Variants in HTRA1 observed in about 807,000 individuals in gnomAD.
HTRA1 encodes the protein HtrA serine peptidase 1, also known as serine protease HTRA1.
HTRA1 carries 26 observed loss-of-function variants against 49.7 expected under a neutral mutation model. That is an observed-to-expected ratio of 0.52 (90% CI 0.38 to 0.73). The LOEUF (loss-of-function observed/expected upper bound fraction) is 0.73. Among genes scored for constraint, HTRA1 ranks in the 30% least tolerant of loss-of-function variants. The pLI is 0.00. For synonymous variants in HTRA1, 291 were observed against 286.9 expected (o/e 1.01, Z -0.14); for missense variants, 561 against 667.2 (o/e 0.84, Z 1.75).
At chr10:122,477,527 C>T (rs922330633) in intron 1 of HTRA1, among the ~76,000 whole-genome samples, 2 of 152,142 alleles carry the variant, frequency 1.3e-5, no homozygotes, top group African/African-American at 4.8e-5. Context: ...GGAGTGTGTC[C>T]CAGACTTCAC....
chr10:122,499,994 G>A (rs4752702), intron 3 of HTRA1, among the ~76,000 whole-genome samples: 7,167 of 152,288 alleles, frequency 0.047, 231 homozygotes, highest in Non-Finnish European at 0.065. Flanking sequence ...AGAGAAAGAA[G>A]TAATTGACTT....
intron 3 of HTRA1, among the ~76,000 whole-genome samples, chr10:122,498,131 G>A (rs760983296): frequency 4.0e-5 from 6 of 151,622 alleles, no homozygotes; most frequent in Non-Finnish European, 7.4e-5. Context: ...TTTTTCATTT[G>A]TGTGCTCTCT....
Position 122,461,556 on chromosome 10 carries a change from C to A in HTRA1, c.-97C>A. On this transcript the variant is annotated 5_prime_UTR_variant, in exon 1 of 9. Coordinates refer to ENST00000368984, the MANE Select transcript of HTRA1 (RefSeq NM_002775.5). Reference sequence around the variant, plus strand: ...GCTGGGCCGCGCGGCCGCGCGCACTCGCACCCGCTGCCCCCGAGGCCCTCC... The same window carrying A: ...GCTGGGCCGCGCGGCCGCGCGCACTAGCACCCGCTGCCCCCGAGGCCCTCC... The A allele has an allele frequency of 4.5e-6, 3 of 674,034 alleles. No individual in the cohort carries two copies. The highest frequency in any genetic ancestry group is 3.7e-5 in the Admixed American group (1 of 26,998). The allele number at this position is 674,034 out of a possible 1,614,324, so 41.8% of individuals were successfully genotyped here. A position where few individuals can be genotyped will look rare whatever the true frequency, so the allele number is the denominator to read the frequency against.
Position 122,476,819 on chromosome 10 carries a change from G to A in HTRA1, c.473-12083G>A, listed in dbSNP as rs371945726. On this transcript the variant is annotated intron_variant, in intron 1 of 8. Transcript: ENST00000368984. ...CGCTCTCCCCCGCCTCTCTGTGAAGGTGCTGAGCTGTGAGTGGAACCAAGT... is the reference window on the plus strand; with the variant it reads ...CGCTCTCCCCCGCCTCTCTGTGAAGATGCTGAGCTGTGAGTGGAACCAAGT... 3.0e-3 allele frequency among the ~76,000 whole-genome samples: 459 copies of A among 152,246 alleles called. 4 individuals are homozygous for A. Among genetic ancestry groups the A allele is most frequent in the African/African-American group, 0.01 (432 of 41,540 alleles).
At chr10:122,507,545 T>A in intron 5 of HTRA1, 143 bp downstream of exon 5, 1 of 716,874 alleles carries the variant, frequency 1.4e-6, no homozygotes, top group Non-Finnish European at 2.5e-6. Flanking sequence ...ATAAATTCCT[T>A]TAAAATGGCT....
chr10:122,470,588 C>T (rs2097485697), intron 1 of HTRA1, among the ~76,000 whole-genome samples: 1 of 151,916 alleles, frequency 6.6e-6, no homozygotes, highest in Non-Finnish European at 1.5e-5. Flanking sequence ...CATTGAAGTC[C>T]AGTGATATAA....
intron 1 of HTRA1, among the ~76,000 whole-genome samples, chr10:122,476,030 T>G (rs552726915): frequency 6.6e-6 from 1 of 152,298 alleles, no homozygotes; most frequent in South Asian, 2.1e-4. Flanking sequence ...CATATATGCT[T>G]CTTTTTCTTT....
At chr10:122,473,779 T>A (rs2097487228) in intron 1 of HTRA1, among the ~76,000 whole-genome samples, 1 of 152,224 alleles carries the variant, frequency 6.6e-6, no homozygotes. Context: ...CGGTTCATTT[T>A]CTATTTCTAT....
chr10:122,469,123 C>T (rs1211677648), intron 1 of HTRA1, among the ~76,000 whole-genome samples: 1 of 152,140 alleles, frequency 6.6e-6, no homozygotes, highest in East Asian at 1.9e-4. Flanking sequence ...CAACCTCAGT[C>T]CTAATGAGTC....
chr10:122,511,492 GGAGGCCAAGGCGGGCAGATCACTT>G (rs2097505536), intron 7 of HTRA1, among the ~76,000 whole-genome samples: 1 of 152,100 alleles, frequency 6.6e-6, no homozygotes. Context: ...CAGCACTTTG[GGAGGCCAAGGCGGGCAGATCACTT>G]GAGGCCAGGA....
At chr10:122,512,180 C>T in intron 8 of HTRA1, 115 bp downstream of exon 8, 1 of 844,676 alleles carries the variant, frequency 1.2e-6, no homozygotes, top group Admixed American at 1.8e-5. Flanking sequence ...TGATCCTTGA[C>T]AGACGTGGTC....
At chr10:122,500,667 A>T (rs748064933) in intron 3 of HTRA1, among the ~76,000 whole-genome samples, 1 of 152,058 alleles carries the variant, frequency 6.6e-6, no homozygotes, top group Non-Finnish European at 1.5e-5. Context: ...CTAAGTTTTC[A>T]CTTCTGCCCC....
chr10:122,487,645 G>A lies in HTRA1; in HGVS notation c.473-1257G>A, dbSNP rs985612036. On this transcript the variant is annotated intron_variant, in intron 1 of 8. Coordinates refer to ENST00000368984, the MANE Select transcript of HTRA1 (RefSeq NM_002775.5). The surrounding 1 kb of genome is among the most constrained non-coding windows in gnomAD (Gnocchi z 4.8). ...AACAGGGATACGTTCTGAGAAATGC[G>A]TCGTTAGGCGATTTCATCACTGTGG... 2.0e-5 allele frequency among the ~76,000 whole-genome samples: 3 copies of A among 152,136 alleles called. No individual in the cohort carries two copies. Among genetic ancestry groups the A allele is most frequent in the Non-Finnish European group, 2.9e-5 (2 of 68,032 alleles).
Position 122,514,224 on chromosome 10 carries a change from C to T in HTRA1, c.1308C>T (p.Ser436=), listed in dbSNP as rs756881500. 3.7e-6 allele frequency: 6 copies of T among 1,614,076 alleles called. No individual in the cohort carries two copies. Among genetic ancestry groups the T allele is most frequent in the Non-Finnish European group, 5.1e-6 (6 of 1,180,024 alleles). The change falls in exon 9 of 9, where the codon AGC becomes AGT. Residue 436 remains serine (S), a synonymous_variant. Transcript: ENST00000368984. ...TCAAGGAAAACGACGTCATAATCAG[C>T]ATCAATGGACAGTCCGTGGTCTCCG... ...GGLKENDVII[S]INGQSVVSAN...
intron 3 of HTRA1, among the ~76,000 whole-genome samples, chr10:122,496,332 G>A (rs1255151844): frequency 7.1e-6 from 1 of 140,864 alleles, no homozygotes; most frequent in Non-Finnish European, 1.5e-5. Context: ...CTGTGACATT[G>A]GTAGAAAGGA....
chr10:122,477,598 T>C (rs1171059746), intron 1 of HTRA1, among the ~76,000 whole-genome samples: 2 of 152,234 alleles, frequency 1.3e-5, no homozygotes, highest in African/African-American at 4.8e-5. Flanking sequence ...CCTGCTGTGC[T>C]GGCCTTCTTT....
At chr10:122,514,168 T>C in intron 8 of HTRA1, 23 bp from the exon 9 acceptor site, 1 of 1,612,148 alleles carries the variant, frequency 6.2e-7, no homozygotes, top group Non-Finnish European at 8.5e-7. Context: ...AACATTGCCA[T>C]TGTGTTTCCC....
At chr10:122,509,411 G>A (rs2097504586) in intron 6 of HTRA1, among the ~76,000 whole-genome samples, 1 of 152,208 alleles carries the variant, frequency 6.6e-6, no homozygotes, top group South Asian at 2.1e-4. Context: ...TGAGTGAGGA[G>A]GAACCAGCGG....
intron 3 of HTRA1, among the ~76,000 whole-genome samples, chr10:122,501,945 A>C (rs1477572327): frequency 7.2e-6 from 1 of 139,620 alleles, no homozygotes. Context: ...TATCTACTCT[A>C]CATACTCCAT....
Sources: gnomAD v4.1 joint callset for allele counts (sites outside exome capture counted in the v4.1 genomes callset) on GRCh38, gnomAD v4.1.1 for gene constraint, Gnocchi (gnomAD v3.1) non-coding constraint, MANE v1.5 for transcripts, NCBI Gene and HGNC (gene_info 2026-07-23, HGNC 2026-07-21) for gene names.